The following LYPD6B variants were observed in gnomAD, a reference collection of about 807,000 sequenced individuals.
LYPD6B encodes the protein LY6/PLAUR domain containing 6B.
In LYPD6B, 17 loss-of-function variants were observed where a neutral mutation model predicts 22.8. The observed-to-expected ratio is 0.75, with a 90% CI of 0.51 to 1.12. The LOEUF is 1.12. Among genes scored for constraint, LYPD6B ranks in the 50% most tolerant of loss-of-function variants. LYPD6B has a pLI of 0.00. For missense variants in LYPD6B, 221 were observed against 258.3 expected, an observed-to-expected ratio of 0.86 and a Z score of 0.99; for synonymous variants, 106 against 91.6, an observed-to-expected ratio of 1.16 and a Z score of -0.90.
At chr2:149,191,669 G>GA (rs1284360924) in intron 3 of LYPD6B, among the ~76,000 whole-genome samples, 3 of 152,248 alleles carry the variant, frequency 2.0e-5, no homozygotes, top group Non-Finnish European at 4.4e-5. Context: ...TATAAAAATT[G>GA]AAAAAATTAT....
chr2:149,154,705 T>C (rs1283108949), intron 2 of LYPD6B, among the ~76,000 whole-genome samples: 1 of 151,454 alleles, frequency 6.6e-6, no homozygotes, highest in Non-Finnish European at 1.5e-5. Context: ...GTGGGGAGAG[T>C]GGCGGAGTGG....
intron 3 of LYPD6B, among the ~76,000 whole-genome samples, chr2:149,192,528 G>A (rs978889916): frequency 1.3e-5 from 2 of 151,704 alleles, no homozygotes; most frequent in Non-Finnish European, 2.9e-5. Context: ...TGGAGGAATG[G>A]CCTGGGATTG....
At chr2:149,118,021 T>C (rs1687090647) in intron 1 of LYPD6B, among the ~76,000 whole-genome samples, 1 of 152,224 alleles carries the variant, frequency 6.6e-6, no homozygotes, top group African/African-American at 2.4e-5. Flanking sequence ...TGGATCTCTT[T>C]GAGTGTCCTC....
intron 3 of LYPD6B, among the ~76,000 whole-genome samples, chr2:149,186,887 T>C (rs924881158): frequency 8.5e-5 from 13 of 152,162 alleles, no homozygotes; most frequent in African/African-American, 1.7e-4. Flanking sequence ...GAAGACTCAA[T>C]TGATGTAGCA....
Position 149,187,281 on chromosome 2 carries a change from G to A in LYPD6B, c.78-17972G>A. On this transcript the variant is annotated intron_variant, in intron 3 of 6. Coordinates refer to ENST00000409642, the MANE Select transcript of LYPD6B (RefSeq NM_177964.5). ...GCTGGTAATTTCCAGAAACATGTTT[G>A]TATAAGCCCAGAATTTGAATAATGC... is the stretch of plus-strand genomic sequence containing the variant. 3.4e-6 allele frequency: 3 copies of A among 871,002 alleles called. 1 individual carries two copies. Among genetic ancestry groups the A allele is most frequent in the East Asian group, 6.7e-5 (2 of 30,048 alleles). The allele number at this position is 871,002 out of a possible 1,614,324, so 54.0% of individuals were successfully genotyped here.
intron 1 of LYPD6B, among the ~76,000 whole-genome samples, chr2:149,044,125 A>G (rs1007058662): frequency 6.6e-6 from 1 of 152,008 alleles, no homozygotes; most frequent in African/African-American, 2.4e-5. Flanking sequence ...TTGCCTTTCC[A>G]TATGAATTCT....
In LYPD6B at chr2:149,051,288, C is replaced by T. The variant is rs140323831; in HGVS notation, c.-67+12487C>T. On this transcript the variant is annotated intron_variant, in intron 1 of 6. Transcript: ENST00000409642. Reference sequence around the variant, plus strand: ...TCACACCGTTCTCCTGCTCAGCTTCCCGAATAGCTGGGACTACAGGCACCT... The same window carrying T: ...TCACACCGTTCTCCTGCTCAGCTTCTCGAATAGCTGGGACTACAGGCACCT... 6.8e-3 allele frequency among the ~76,000 whole-genome samples: 1,032 copies of T among 152,066 alleles called. 8 individuals carry two copies. The highest frequency in any genetic ancestry group is 0.024 in the African/African-American group (977 of 41,498).
intron 1 of LYPD6B, chr2:149,119,226 A>C (rs1440550384): frequency 1.3e-5 from 2 of 152,226 alleles, no homozygotes; most frequent in Admixed American, 6.5e-5. Context: ...TGAAATGGGA[A>C]TGGCAATATT....
At chr2:149,085,109 C>T (rs1390664237) in intron 1 of LYPD6B, among the ~76,000 whole-genome samples, 9 of 152,252 alleles carry the variant, frequency 5.9e-5, no homozygotes, top group Admixed American at 2.0e-4. Context: ...TGGCCACCCT[C>T]TGACACAGGT....
intron 5 of LYPD6B, among the ~76,000 whole-genome samples, chr2:149,209,914 T>C (rs1041910106): frequency 2.1e-5 from 3 of 144,980 alleles, no homozygotes; most frequent in Non-Finnish European, 4.6e-5. Flanking sequence ...ATTTCTACAT[T>C]TTCAACAGAA....
At chr2:149,210,086 G>A (rs904538215) in intron 5 of LYPD6B, among the ~76,000 whole-genome samples, 2 of 152,246 alleles carry the variant, frequency 1.3e-5, no homozygotes, top group Middle Eastern at 3.4e-3. Context: ...GTCCAACCTG[G>A]TAGGCCTTAT....
rs140707570 is a variant in LYPD6B at position 149,076,480 on chromosome 2, A to G, written c.-67+37679A>G. On this transcript the variant is annotated intron_variant, in intron 1 of 6. Transcript: ENST00000409642. ...AAGGGAATGGTTGACACACAGAAAA[A>G]GATTTGTCATAAGATGTTCTGTAAT... 3.4e-3 allele frequency among the ~76,000 whole-genome samples: 524 copies of G among 152,320 alleles called. 1 individual carries two copies. Among genetic ancestry groups the G allele is most frequent in the African/African-American group, 0.012 (502 of 41,578 alleles).
chr2:149,102,894 A>G (rs1167902843), intron 1 of LYPD6B, among the ~76,000 whole-genome samples: 1 of 151,884 alleles, frequency 6.6e-6, no homozygotes, highest in African/African-American at 2.4e-5. Flanking sequence ...GGCCTCCAAA[A>G]CCCACCATGC....
chr2:149,137,243 T>A (rs979338721), intron 2 of LYPD6B, among the ~76,000 whole-genome samples: 2 of 152,208 alleles, frequency 1.3e-5, no homozygotes, highest in African/African-American at 4.8e-5. Flanking sequence ...AGTTAGTGTA[T>A]ATATCAAAGC....
chr2:149,060,209 G>A (rs969354186), intron 1 of LYPD6B, among the ~76,000 whole-genome samples: 1 of 152,190 alleles, frequency 6.6e-6, no homozygotes, highest in African/African-American at 2.4e-5. Flanking sequence ...TAGCACAGAA[G>A]TTACAAGCAA....
At chr2:149,155,337 A>G (rs937018359) in intron 2 of LYPD6B, among the ~76,000 whole-genome samples, 2 of 152,158 alleles carry the variant, frequency 1.3e-5, no homozygotes, top group African/African-American at 4.8e-5. Context: ...CACCTGGCCA[A>G]TTGCATCAGG....
At chr2:149,211,825 C>G (rs745514758) in intron 5 of LYPD6B, among the ~76,000 whole-genome samples, 1 of 151,932 alleles carries the variant, frequency 6.6e-6, no homozygotes, top group African/African-American at 2.4e-5. Flanking sequence ...AGACACAGAA[C>G]CAAAGAATAA....
At chr2:149,157,358 T>C (rs1333261917) in intron 2 of LYPD6B, among the ~76,000 whole-genome samples, 1 of 151,302 alleles carries the variant, frequency 6.6e-6, no homozygotes, top group Non-Finnish European at 1.5e-5. Context: ...CTTAATTCTC[T>C]ATAGTTTTCT....
chr2:149,112,046 G>A (rs189123296), intron 1 of LYPD6B, among the ~76,000 whole-genome samples: 1 of 152,330 alleles, frequency 6.6e-6, no homozygotes, highest in Admixed American at 6.5e-5. Flanking sequence ...CAGTCCGGTT[G>A]AAGTGGTAAG....
Sources: gnomAD v4.1 joint callset for allele counts (sites outside exome capture counted in the v4.1 genomes callset) on GRCh38, gnomAD v4.1.1 for gene constraint, MANE v1.5 for transcripts, NCBI Gene and HGNC (gene_info 2026-07-23, HGNC 2026-07-21) for gene names.